The following TENM4 variants were observed in gnomAD, a reference collection of about 807,000 sequenced individuals.
TENM4 encodes teneurin-4.
A neutral mutation model predicts 243.3 loss-of-function variants in TENM4; 82 were observed. That is an observed-to-expected ratio of 0.34 (90% CI 0.28 to 0.40). TENM4 has a LOEUF of 0.40. TENM4 is among the 10% of genes least tolerant of loss of function. The probability of loss-of-function intolerance (pLI) is 1.00; values close to 1 mark genes in which losing one functional copy is unlikely to be tolerated. For missense variants in TENM4, 3,138 were observed against 3,673.3 expected, an observed-to-expected ratio of 0.85 and a Z score of 3.77; for synonymous variants, 1,412 against 1,456.3, an observed-to-expected ratio of 0.97 and a Z score of 0.69.
At chr11:79,252,472 C>T (rs1855628122) in intron 2 of TENM4, among the ~76,000 whole-genome samples, 2 of 152,138 alleles carry the variant, frequency 1.3e-5, no homozygotes, top group Admixed American at 6.5e-5. Flanking sequence ...CTCCTGACCT[C>T]GTGATCCGCC....
chr11:79,421,885 G>A (rs1254956382), intron 1 of TENM4, among the ~76,000 whole-genome samples: 2 of 151,958 alleles, frequency 1.3e-5, no homozygotes, highest in African/African-American at 2.4e-5. Context: ...TCCTGTTGTC[G>A]GGGTGGTTTA....
At chr11:78,984,503 A>G (rs1857875413) in intron 6 of TENM4, among the ~76,000 whole-genome samples, 1 of 152,170 alleles carries the variant, frequency 6.6e-6, no homozygotes, top group African/African-American at 2.4e-5. Flanking sequence ...TCTTACTGTT[A>G]TCCGCCCTGT....
chr11:78,867,168 C>A (rs978918402), intron 9 of TENM4, among the ~76,000 whole-genome samples: 1 of 151,968 alleles, frequency 6.6e-6, no homozygotes, highest in Non-Finnish European at 1.5e-5. Context: ...TATAGTCCAC[C>A]CTGTTGTGCT....
At chr11:78,736,190 G>T (rs928834014) in intron 20 of TENM4, among the ~76,000 whole-genome samples, 1 of 152,010 alleles carries the variant, frequency 6.6e-6, no homozygotes, top group African/African-American at 2.4e-5. Context: ...CGCCCAGGCT[G>T]GTCTTGAACT....
At chr11:79,347,842 CA>C (rs1256814943) in intron 1 of TENM4, among the ~76,000 whole-genome samples, 1 of 137,730 alleles carries the variant, frequency 7.3e-6, no homozygotes, top group East Asian at 2.2e-4. Context: ...TGCAGTGGCG[CA>C]ATCTCGGCTC....
chr11:78,955,495 AAGCC>A (rs1281162246), intron 6 of TENM4, among the ~76,000 whole-genome samples: 2 of 152,204 alleles, frequency 1.3e-5, no homozygotes, highest in Non-Finnish European at 2.9e-5. Flanking sequence ...CAGATGGAGA[AAGCC>A]TGGACACATA....
chr11:78,783,918 C>A (rs1356288377), intron 16 of TENM4, among the ~76,000 whole-genome samples: 1 of 152,138 alleles, frequency 6.6e-6, no homozygotes, highest in Non-Finnish European at 1.5e-5. Context: ...CATAAGGGGC[C>A]CAGATTTGTC....
At chr11:79,111,976 G>T (rs548373446) in intron 4 of TENM4, among the ~76,000 whole-genome samples, 1 of 152,308 alleles carries the variant, frequency 6.6e-6, no homozygotes, top group South Asian at 2.1e-4. Flanking sequence ...AAAAATCTGT[G>T]TGGGGAACTC....
At chr11:79,329,322 G>C (rs1857024153) in intron 1 of TENM4, among the ~76,000 whole-genome samples, 1 of 152,200 alleles carries the variant, frequency 6.6e-6, no homozygotes, top group Non-Finnish European at 1.5e-5. Flanking sequence ...GCAGTGACGG[G>C]AGAGGCCTTT....
At chr11:78,738,381 A>G (rs143461457) in intron 20 of TENM4, 70 bp downstream of exon 20, 4 of 1,546,514 alleles carry the variant, frequency 2.6e-6, no homozygotes, top group Non-Finnish European at 2.6e-6. Context: ...TTATCAGTCC[A>G]GCAGCAGCTA....
rs1649881299 is a variant in TENM4, at chr11:78,655,783, GT to G, written c.*2274del. 6.6e-6 allele frequency: 1 copy of G among 152,230 alleles called. No individual in the cohort carries two copies. The highest frequency in any genetic ancestry group is 6.5e-5 in the Admixed American group (1 of 15,282). The allele number at this position is 152,230 out of a possible 1,614,324, so 9.4% of individuals were successfully genotyped here. ...TGCCCAAGGGCCCTTGGTATGAAGAGTACATTTTGAGAGGCGTAAGTCCCTT... is the reference window on the plus strand; with the variant it reads ...TGCCCAAGGGCCCTTGGTATGAAGAGACATTTTGAGAGGCGTAAGTCCCTT... On this transcript the variant is annotated 3_prime_UTR_variant, in exon 34 of 34. Coordinates refer to ENST00000278550, the MANE Select transcript of TENM4 (RefSeq NM_001098816.3).
At chr11:78,954,313 G>A (rs891069829) in intron 6 of TENM4, among the ~76,000 whole-genome samples, 1 of 152,238 alleles carries the variant, frequency 6.6e-6, no homozygotes, top group Admixed American at 6.5e-5. Flanking sequence ...TTCTCAAGGT[G>A]AGCAGGCTGT....
At chr11:78,699,343 G>C (rs1241186397) in intron 28 of TENM4, among the ~76,000 whole-genome samples, 2 of 152,212 alleles carry the variant, frequency 1.3e-5, no homozygotes, top group Non-Finnish European at 2.9e-5. Context: ...ACAGGGACTT[G>C]TGTTCTGGTT....
At chr11:78,875,096 G>C (rs1191396229) in intron 9 of TENM4, among the ~76,000 whole-genome samples, 1 of 152,228 alleles carries the variant, frequency 6.6e-6, no homozygotes, top group African/African-American at 2.4e-5. Flanking sequence ...GTTGGCTCCA[G>C]TCCTGAAGCA....
At chr11:78,852,462 C>T (rs985456830) in intron 12 of TENM4, among the ~76,000 whole-genome samples, 4 of 151,950 alleles carry the variant, frequency 2.6e-5, no homozygotes, top group African/African-American at 9.7e-5. Flanking sequence ...AAGTGGGCGG[C>T]TCACTTGAGC....
At chr11:79,362,041 C>A (rs1214122739) in intron 1 of TENM4, among the ~76,000 whole-genome samples, 1 of 152,070 alleles carries the variant, frequency 6.6e-6, no homozygotes, top group Admixed American at 6.6e-5. Context: ...TCTCGGGAGG[C>A]CTTCTGGATG....
At chr11:79,161,260 T>A (rs1389136737) in intron 3 of TENM4, among the ~76,000 whole-genome samples, 2 of 152,184 alleles carry the variant, frequency 1.3e-5, no homozygotes, top group African/African-American at 4.8e-5. Context: ...CCACATTACG[T>A]CTTCTTGAGG....
intron 6 of TENM4, among the ~76,000 whole-genome samples, chr11:79,046,148 G>C (rs537267364): frequency 1.3e-5 from 2 of 152,330 alleles, no homozygotes; most frequent in South Asian, 4.1e-4. Flanking sequence ...CCGGTGAAGG[G>C]GCTGACTCAC....
At chr11:79,434,517 A>C (rs1342917868) in intron 1 of TENM4, among the ~76,000 whole-genome samples, 1 of 152,210 alleles carries the variant, frequency 6.6e-6, no homozygotes, top group Non-Finnish European at 1.5e-5. Context: ...ACATATTTAC[A>C]TATTTCAACT....
Sources: gnomAD v4.1 joint callset for allele counts (sites outside exome capture counted in the v4.1 genomes callset) on GRCh38, gnomAD v4.1.1 for gene constraint, MANE v1.5 for transcripts, NCBI Gene and HGNC (gene_info 2026-07-23, HGNC 2026-07-21) for gene names.